Variants in TTN observed in about 807,000 individuals in gnomAD.
TTN encodes the protein titin, also known as connectin.
TTN carries 1,525 observed loss-of-function variants against 3,223.0 expected under a neutral mutation model. The observed-to-expected ratio is 0.47, with a 90% confidence interval of 0.45 to 0.49. The LOEUF (loss-of-function observed/expected upper bound fraction) is 0.49. Ranked by LOEUF, TTN falls within the 20% of genes least tolerant of loss-of-function variation. TTN has a pLI of 0.00. For missense variants in TTN, 40,786 were observed against 43,424.0 expected (o/e 0.94, Z 5.40); for synonymous variants, 14,094 against 15,161.0 (o/e 0.93, Z 5.17).
At chr2:178,685,131 G>T in intron 129 of TTN, 122 bp downstream of exon 129, 1 of 1,139,678 alleles carries the variant, frequency 8.8e-7, no homozygotes, top group Non-Finnish European at 1.3e-6. Context: ...GTTCATACAT[G>T]TGTTCTGACA....
rs1279181718 is a variant in TTN, at chr2:178,739,999, G to T, written c.13234C>A (p.Pro4412Thr). 1 of 1,613,870 alleles carries T rather than the reference G, an allele frequency of 6.2e-7. No individual in the cohort carries two copies. Among genetic ancestry groups the T allele is most frequent in the East Asian group, 2.2e-5 (1 of 44,850 alleles). The stretch of plus-strand genomic sequence containing the variant: ...CTTAGCCACTCAGAGAAAAGACCTG[G>T]CTGCTCGCTGGCCACGGCTGCTTGC... ...ALQAAVASEQPGLFSEWLRNI... is the reference protein window; with the variant it reads ...ALQAAVASEQTGLFSEWLRNI... Residue 4412 changes from proline to threonine, a missense_variant, in exon 48 of 363, where the codon CCA becomes ACA. Physicochemically the swap from Pro to Thr is conservative, Grantham distance 38. Transcript: ENST00000589042.
rs72650011 is a variant in TTN at position 178,702,613 on chromosome 2, G to A, written c.30274C>T (p.His10092Tyr). 3.5e-3 allele frequency: 5,625 copies of A among 1,613,946 alleles called. 17 individuals are homozygous for A. Among genetic ancestry groups the A allele is most frequent in the Non-Finnish European group, 3.8e-3 (4,540 of 1,179,870 alleles). ...KRIQNIVVSE[H>Y]QSATFECEVS... is the part of the protein sequence containing the mutation. Reference sequence around the variant, plus strand: ...TCACACTCAAAGGTGGCAGACTGATGCTCACTCACCACGATGTTCTGTATG... The same window carrying A: ...TCACACTCAAAGGTGGCAGACTGATACTCACTCACCACGATGTTCTGTATG... The change falls in exon 107 of 363, where the codon CAT becomes TAT. Residue 10092 changes from histidine (H) to tyrosine (Y), a missense_variant. Coordinates refer to ENST00000589042, the MANE Select transcript of TTN (RefSeq NM_001267550.2).
At chr2:178,713,866 G>C in intron 92 of TTN, 31 bp downstream of exon 92, 1 of 1,605,168 alleles carries the variant, frequency 6.2e-7, no homozygotes, top group African/African-American at 1.3e-5. Context: ...TTATTATAAT[G>C]ATGAAGGAAA....
chr2:178,667,798 A>G (rs2066238724), intron 159 of TTN, 77 bp from the exon 160 acceptor site: 1 of 1,015,130 alleles, frequency 9.9e-7, no homozygotes, highest in Admixed American at 2.4e-5. Context: ...AATATAATAT[A>G]TAATACCACA....
Position 178,590,789 on chromosome 2 carries a change from T to G in TTN, c.60936A>C (p.Glu20312Asp), listed in dbSNP as rs1337998707. Reference sequence around the variant, plus strand: ...TGACCCTCACCCATTTGCCAGTTACTTCTCGACGTTCCATATAGTAGCCAG... The same window carrying G: ...TGACCCTCACCCATTTGCCAGTTACGTCTCGACGTTCCATATAGTAGCCAG... ...PITGYYMERREVTGKWVRVNK... is the reference protein window; with the variant it reads ...PITGYYMERRDVTGKWVRVNK... Residue 20312 changes from glutamate to aspartate, a missense_variant, in exon 304 of 363, where the codon GAA (glutamate) becomes GAC (aspartate). By Grantham distance (45) the Glu-to-Asp change is conservative (BLOSUM62 2). Coordinates refer to ENST00000589042, the MANE Select transcript of TTN (RefSeq NM_001267550.2). The G allele has an allele frequency of 6.2e-7, 1 of 1,607,378 alleles. No homozygotes were observed. The highest frequency in any genetic ancestry group is 1.3e-5 in the African/African-American group (1 of 74,796).
At position 178,533,046 on chromosome 2, in the gene TTN, G is replaced by A; in HGVS notation, c.103569C>T (p.Phe34523=). The change falls in exon 358 of 363, where the codon TTC becomes TTT. Residue 34523 remains phenylalanine, a synonymous_variant. Transcript: ENST00000589042. ...CCTTCTTTTCTTCTATCTCAAGTCT[G>A]AATTCCCCTTTTACAGTCTTGGTGC... The part of the protein sequence containing the change: ...AVSTKTVKGE[F]RLEIEEKKEE... 6.2e-7 allele frequency: 1 copy of A among 1,613,842 alleles called. No individual in the cohort carries two copies. Among genetic ancestry groups the A allele is most frequent in the Non-Finnish European group, 8.5e-7 (1 of 1,179,866 alleles).
rs1709045972 is a variant in TTN, at chr2:178,573,676, A to C, written c.72456T>G (p.Gly24152=). The change falls in exon 326 of 363, where the codon GGT becomes GGG. Residue 24152 remains glycine (G), a synonymous_variant. Coordinates refer to ENST00000589042, the MANE Select transcript of TTN (RefSeq NM_001267550.2). ...GTACTATGTAATGATCAATTTTGGC[A>C]CCTCCATCATCCAGTGGAGGGAACC... ...LSWFPPLDDG[G]AKIDHYIVQK... 4.6e-6 allele frequency: 7 copies of C among 1,516,104 alleles called. No homozygotes were observed. In the South Asian group the frequency reaches 9.6e-5, roughly 21 times the overall value. 93.9% of individuals were successfully genotyped at this position (1,516,104 alleles called of 1,614,324 possible). A position where few individuals can be genotyped will look rare whatever the true frequency, so the allele number is the denominator to read the frequency against.
intron 288 of TTN, 113 bp downstream of exon 288, chr2:178,600,741 G>T (rs2053165386): frequency 7.9e-7 from 1 of 1,272,196 alleles, no homozygotes; most frequent in Non-Finnish European, 1.1e-6. Flanking sequence ...CTACATTCAA[G>T]CCATAGTAGC....
At chr2:178,769,357 G>A (rs1274790376) in intron 37 of TTN, among the ~76,000 whole-genome samples, 2 of 151,898 alleles carry the variant, frequency 1.3e-5, no homozygotes, top group East Asian at 1.9e-4. Flanking sequence ...GGGCCCAAGC[G>A]ATCTTCCCAC....
At chr2:178,541,852 G>A (rs1448935536) in intron 349 of TTN, 1 of 223,172 alleles carries the variant, frequency 4.5e-6, no homozygotes, top group African/African-American at 2.3e-5. Context: ...ATGATGCTGA[G>A]GTTTAATTTT....
At chr2:178,622,217 A>G (rs1253922777) in intron 243 of TTN, among the ~76,000 whole-genome samples, 1 of 151,914 alleles carries the variant, frequency 6.6e-6, no homozygotes, top group Admixed American at 6.6e-5. Context: ...CTGTGATACT[A>G]TTATCAGTTA....
At chr2:178,591,917 A>G (rs1191024925) in intron 302 of TTN, 25 bp from the exon 303 acceptor site, 1 of 1,605,414 alleles carries the variant, frequency 6.2e-7, no homozygotes, top group East Asian at 2.2e-5. Context: ...AGTTATGATG[A>G]AAAAGTAATA....
chr2:178,636,945 T>C lies in TTN; in HGVS notation c.40928-146A>G, dbSNP rs537538437. On this transcript the variant is annotated intron_variant, in intron 224 of 362. Transcript: ENST00000589042. This position sits in a 1 kb window ranked among gnomAD's most constrained non-coding sequence, Gnocchi z 4.3. ...CCAGGCAATTGAAAGGCCAATTGAG[T>C]TTATACTGCCTTGTTTCAGGCAGGA... The C allele has an allele frequency of 2.3e-5, 19 of 826,540 alleles. No individual in the cohort carries two copies. In the South Asian group the frequency reaches 4.1e-4, roughly 18 times the overall value. 51.2% of individuals were successfully genotyped at this position (826,540 alleles called of 1,614,324 possible). A position where few individuals can be genotyped will look rare whatever the true frequency, so the allele number is the denominator to read the frequency against.
chr2:178,534,146 A>G lies in TTN; in HGVS notation c.102469T>C (p.Cys34157Arg). The change falls in exon 358 of 363, where the codon TGC (cysteine) becomes CGC (arginine). Residue 34157 changes from cysteine to arginine, a missense_variant. Physicochemically the swap from Cys to Arg is radical, Grantham distance 180 (BLOSUM62 -3). Coordinates refer to ENST00000589042, the MANE Select transcript of TTN (RefSeq NM_001267550.2). ...GACTGATCATAATTTTCAATTTTGC[A>G]TACATATTTGACATGTCCTCCTTCT... ...GEEGGHVKYV[C>R]KIENYDQSTQ... 2 of 1,613,958 alleles carry G rather than the reference A, an allele frequency of 1.2e-6. No individual in the cohort carries two copies. The highest frequency in any genetic ancestry group is 1.7e-5 in the Admixed American group (1 of 60,010).
rs904223315 is a variant in TTN at position 178,609,744 on chromosome 2, C to T, written c.51679G>A (p.Ala17227Thr). 16 of 1,612,208 alleles carry T rather than the reference C, an allele frequency of 9.9e-6. No homozygotes were observed. The highest frequency in any genetic ancestry group is 6.7e-5 in the Admixed American group (4 of 59,954). ...CGAGAAGGTTCACTAATACCCGCGGCGTTCTCTGCTCGCACACGGAATTGG... is the reference window on the plus strand; with the variant it reads ...CGAGAAGGTTCACTAATACCCGCGGTGTTCTCTGCTCGCACACGGAATTGG... ...EYQFRVRAEN[A>T]AGISEPSRAT... is the part of the protein sequence containing the mutation. The change falls in exon 272 of 363, where the codon GCC becomes ACC. Residue 17227 changes from alanine (A) to threonine (T), a missense_variant. Transcript: ENST00000589042.
chr2:178,576,536 A>G lies in TTN; in HGVS notation c.69708T>C (p.Asp23236=), dbSNP rs530173124. 2 of 1,612,642 alleles carry G rather than the reference A, an allele frequency of 1.2e-6. No individual in the cohort carries two copies. The highest frequency in any genetic ancestry group is 1.3e-5 in the African/African-American group (1 of 74,840). ...SEASDSVLMK[D]AAYPPGPPSN... Reference sequence around the variant, plus strand: ...AAAAAGACAAATACTAACATGCTGCATCTTTCATCAGAACAGAATCTGAAG... The same window carrying G: ...AAAAAGACAAATACTAACATGCTGCGTCTTTCATCAGAACAGAATCTGAAG... Residue 23236 remains aspartate, a synonymous_variant, in exon 325 of 363, where the codon GAT becomes GAC. Transcript: ENST00000589042. This position sits in a 1 kb window ranked among gnomAD's most constrained non-coding sequence, Gnocchi z 4.3.
intron 219 of TTN, 36 bp from the exon 220 acceptor site, chr2:178,641,351 C>G (rs775103933): frequency 1.7e-6 from 2 of 1,189,082 alleles, no homozygotes; most frequent in African/African-American, 3.2e-5. Context: ...TAAACCAAGA[C>G]AAACTAATGA....
rs1401483579 is a variant in TTN, at chr2:178,592,762, G to A, written c.59344+13C>T. ...ATTTTCCTTGCAAACACAAGTGAGA[G>A]CATTTTACTCACCAAGCCTGTCTTT... On this transcript the variant is annotated intron_variant, in intron 300 of 362. Transcript: ENST00000589042. 6.2e-7 allele frequency: 1 copy of A among 1,612,916 alleles called. No homozygotes were observed. Among genetic ancestry groups the A allele is most frequent in the Admixed American group, 1.7e-5 (1 of 59,902 alleles).
In TTN at chr2:178,610,377, G is replaced by T; in HGVS notation, c.51149C>A (p.Pro17050Gln). 3.7e-6 allele frequency: 6 copies of T among 1,612,188 alleles called. No individual in the cohort carries two copies. Among genetic ancestry groups the T allele is most frequent in the Non-Finnish European group, 4.2e-6 (5 of 1,179,010 alleles). ...GTCACTTGCTTTAATATCTTTGCAT[G>T]GTCCAGGTAGGCCTATTACAAAAAT... is the stretch of plus-strand genomic sequence containing the variant. ...INVKVIGLPG[P>Q]CKDIKASDIT... is the part of the protein sequence containing the mutation. The change falls in exon 271 of 363, where the codon CCA becomes CAA. Residue 17050 changes from proline to glutamine, a missense_variant. Coordinates refer to ENST00000589042, the MANE Select transcript of TTN (RefSeq NM_001267550.2).
Sources: gnomAD v4.1 joint callset for allele counts (sites outside exome capture counted in the v4.1 genomes callset) on GRCh38, gnomAD v4.1.1 for gene constraint, Gnocchi (gnomAD v3.1) non-coding constraint, MANE v1.5 for transcripts, NCBI Gene and HGNC (gene_info 2026-07-23, HGNC 2026-07-21) for gene names.